Variants in KAZN observed in about 807,000 individuals in gnomAD.
KAZN encodes kazrin.
In KAZN, 40 loss-of-function variants were observed where a neutral mutation model predicts 87.4. That is an observed-to-expected ratio of 0.46 (90% CI 0.36 to 0.60). The LOEUF (loss-of-function observed/expected upper bound fraction) is 0.60. Among genes scored for constraint, KAZN ranks in the 20% least tolerant of loss-of-function variants. The pLI is 0.00. For synonymous variants in KAZN, 466 were observed against 458.3 expected (o/e 1.02, Z -0.22); for missense variants, 898 against 1,073.9 (o/e 0.84, Z 2.29).
chr1:15,044,866 CTTTG>C (rs200777014), intron 4 of KAZN, among the ~76,000 whole-genome samples: 1,896 of 152,038 alleles, frequency 0.012, 19 homozygotes, highest in Middle Eastern at 0.031. Flanking sequence ...TTATTTATTT[CTTTG>C]TTTGTTTATT....
chr1:14,124,113 G>C (rs939487892), intron 1 of KAZN: 1 of 152,148 alleles, frequency 6.6e-6, no homozygotes, highest in East Asian at 1.9e-4. Flanking sequence ...ATCACCTTAC[G>C]TGAATATTTT....
intron 2 of KAZN, among the ~76,000 whole-genome samples, chr1:14,972,265 G>C (rs1665136390): frequency 6.6e-6 from 1 of 152,228 alleles, no homozygotes; most frequent in Admixed American, 6.5e-5. Context: ...AGTGTGGCAA[G>C]AAAACGAAAG....
chr1:14,668,042 A>G (rs1272800266), intron 1 of KAZN, among the ~76,000 whole-genome samples: 3 of 152,254 alleles, frequency 2.0e-5, no homozygotes, highest in South Asian at 2.1e-4. Context: ...ATTACCAGGG[A>G]AAAAAACACC....
At chr1:14,221,683 C>T (rs766188396) in intron 2 of KAZN, among the ~76,000 whole-genome samples, 31 of 152,144 alleles carry the variant, frequency 2.0e-4, no homozygotes, top group Admixed American at 7.2e-4. Context: ...AATCAACCAC[C>T]ACTGAATGTC....
At chr1:14,418,043 A>C (rs868851426) in intron 2 of KAZN, among the ~76,000 whole-genome samples, 63 of 139,678 alleles carry the variant, frequency 4.5e-4, no homozygotes, top group East Asian at 2.5e-3. Flanking sequence ...AAAAAAAAAA[A>C]ACCTACATCG....
rs61738063 is a variant in KAZN, at chr1:14,960,709, G to A, written c.252G>A (p.Arg84=). The change falls in exon 2 of 15, where the codon CGG becomes CGA. Residue 84 remains arginine, a synonymous_variant. Coordinates refer to ENST00000376030, the MANE Select transcript of KAZN (RefSeq NM_201628.3). ...TGCTCCTGCGGGAAGAAGTGTCGCG[G>A]CTCCAGGAGGAAGTTCACCTTCTCC... The part of the protein sequence containing the change: ...AQVLLREEVS[R]LQEEVHLLRQ... 12 of 1,575,608 alleles carry A rather than the reference G, an allele frequency of 7.6e-6. No homozygotes were observed. Among genetic ancestry groups the A allele is most frequent in the African/African-American group, 4.0e-5 (3 of 74,270 alleles).
At chr1:14,834,583 G>C (rs991169050) in intron 1 of KAZN, among the ~76,000 whole-genome samples, 1 of 151,448 alleles carries the variant, frequency 6.6e-6, no homozygotes, top group Non-Finnish European at 1.5e-5. Context: ...GGATGGTCTC[G>C]ATCTCCTGAC....
chr1:14,554,869 C>G (rs1374426781), intron 2 of KAZN, among the ~76,000 whole-genome samples: 1 of 152,202 alleles, frequency 6.6e-6, no homozygotes, highest in Non-Finnish European at 1.5e-5. Context: ...GACGTCGAGT[C>G]ACAAACCATC....
chr1:14,766,946 G>A lies in KAZN; in HGVS notation c.226+167723G>A, dbSNP rs150147354. Reference sequence around the variant, plus strand: ...ACAACAGAGAAATATATGTGGTCTAGGGGAAAATAAGGGCTGGAGGGACCA... The same window carrying A: ...ACAACAGAGAAATATATGTGGTCTAAGGGAAAATAAGGGCTGGAGGGACCA... On this transcript the variant is annotated intron_variant, in intron 1 of 14. Coordinates refer to ENST00000376030, the MANE Select transcript of KAZN (RefSeq NM_201628.3). Among the ~76,000 whole-genome samples, 452 of 152,186 alleles carry A rather than the reference G, an allele frequency of 3.0e-3. 3 individuals are homozygous for A. In the East Asian group the frequency reaches 0.033, roughly 11 times the overall value.
intron 1 of KAZN, among the ~76,000 whole-genome samples, chr1:14,913,798 G>GCACC (rs776055432): frequency 6.6e-6 from 1 of 152,246 alleles, no homozygotes; most frequent in Non-Finnish European, 1.5e-5. Context: ...GTTCTGGTGG[G>GCACC]CGGGTAGACA....
chr1:14,365,325 G>A (rs1308018130), intron 2 of KAZN, among the ~76,000 whole-genome samples: 10 of 150,264 alleles, frequency 6.7e-5, no homozygotes. Context: ...GGGATTACAG[G>A]TGTGAGCCAC....
chr1:14,074,294 C>T (rs1191575943), intron 1 of KAZN, among the ~76,000 whole-genome samples: 1 of 152,160 alleles, frequency 6.6e-6, no homozygotes, highest in Non-Finnish European at 1.5e-5. Flanking sequence ...CAGCCCCCAG[C>T]CCCTTTCTTC....
At chr1:14,417,475 C>T (rs1304451801) in intron 2 of KAZN, among the ~76,000 whole-genome samples, 1 of 152,122 alleles carries the variant, frequency 6.6e-6, no homozygotes, top group Non-Finnish European at 1.5e-5. Flanking sequence ...TTCAGCTGCT[C>T]AGTCTACAAT....
At chr1:14,339,549 C>T (rs703798) in intron 2 of KAZN, among the ~76,000 whole-genome samples, 57,212 of 151,898 alleles carry the variant, frequency 0.38, 11,874 homozygotes, top group African/African-American at 0.55. Flanking sequence ...GGAGAGCCGA[C>T]GTTTCTGTTC....
chr1:14,830,303 T>G (rs1486583926), intron 1 of KAZN, among the ~76,000 whole-genome samples: 1 of 152,064 alleles, frequency 6.6e-6, no homozygotes, highest in Non-Finnish European at 1.5e-5. Flanking sequence ...GAGGGAAAAA[T>G]GACAGTCCCA....
chr1:14,236,286 G>A (rs535555043), intron 2 of KAZN, among the ~76,000 whole-genome samples: 1 of 152,116 alleles, frequency 6.6e-6, no homozygotes, highest in East Asian at 1.9e-4. Flanking sequence ...GTTCTTTCAG[G>A]GTTGGGATTA....
In KAZN at chr1:14,918,807, A is replaced by T. The variant is rs1264931166; in HGVS notation, c.227-41877A>T. Among the ~76,000 whole-genome samples the T allele has an allele frequency of 3.4e-5, 5 of 148,064 alleles. 1 individual carries two copies. The East Asian group carries it at 8.1e-4, about 24-fold the overall frequency. ...GTAAGTGAGTTTGGTTTGGAAGTAGATTGTCCCTAGGTTGAGCCTCAAGTT... is the reference window on the plus strand; with the variant it reads ...GTAAGTGAGTTTGGTTTGGAAGTAGTTTGTCCCTAGGTTGAGCCTCAAGTT... On this transcript the variant is annotated intron_variant, in intron 1 of 14. Transcript: ENST00000376030.
At chr1:14,117,053 C>G (rs1031499542) in intron 1 of KAZN, among the ~76,000 whole-genome samples, 2 of 152,178 alleles carry the variant, frequency 1.3e-5, no homozygotes, top group Admixed American at 1.3e-4. Context: ...TTTACAGACT[C>G]ATAGGTGCAA....
At chr1:14,860,776 A>C (rs755513112) in intron 1 of KAZN, among the ~76,000 whole-genome samples, 1 of 152,266 alleles carries the variant, frequency 6.6e-6, no homozygotes, top group Non-Finnish European at 1.5e-5. Context: ...TTCTCAGAAT[A>C]CATCTAAGCA....
Sources: gnomAD v4.1 joint callset for allele counts (sites outside exome capture counted in the v4.1 genomes callset) on GRCh38, gnomAD v4.1.1 for gene constraint, MANE v1.5 for transcripts, NCBI Gene and HGNC (gene_info 2026-07-23, HGNC 2026-07-21) for gene names.